MAP3K1: variants seen among roughly 807,000 people sequenced by gnomAD.
The protein encoded by MAP3K1 is mitogen-activated protein kinase kinase kinase 1.
In MAP3K1, 36 loss-of-function variants were observed where a neutral mutation model predicts 144.2. The ratio of observed to expected loss-of-function variants is 0.25; its 90% confidence interval spans 0.19 to 0.33. The LOEUF (loss-of-function observed/expected upper bound fraction) is 0.33, where lower values mean the gene tolerates loss of function less well. Among genes scored for constraint, MAP3K1 ranks in the 10% least tolerant of loss-of-function variants. The pLI is 1.00. For missense variants in MAP3K1, 1,650 were observed against 1,881.9 expected (o/e 0.88, Z 2.28); for synonymous variants, 718 against 688.7 (o/e 1.04, Z -0.67).
chr5:56,835,549 T>G (rs1456409126), intron 1 of MAP3K1, among the ~76,000 whole-genome samples: 1 of 151,798 alleles, frequency 6.6e-6, no homozygotes, highest in African/African-American at 2.4e-5. Flanking sequence ...GGACGTGGGT[T>G]AATGGAGTGA....
chr5:56,822,112 C>T (rs944306190), intron 1 of MAP3K1, among the ~76,000 whole-genome samples: 1 of 152,070 alleles, frequency 6.6e-6, no homozygotes, highest in Non-Finnish European at 1.5e-5. Context: ...CCTCTGCCTC[C>T]TAGGTTCAAG....
chr5:56,827,804 C>T (rs1238850754), intron 1 of MAP3K1, among the ~76,000 whole-genome samples: 1 of 151,636 alleles, frequency 6.6e-6, no homozygotes, highest in Non-Finnish European at 1.5e-5. Flanking sequence ...GCAGAGGTTG[C>T]AGTGAGCTGA....
chr5:56,856,111 T>C (rs1747337048), intron 1 of MAP3K1, among the ~76,000 whole-genome samples: 1 of 152,196 alleles, frequency 6.6e-6, no homozygotes, highest in South Asian at 2.1e-4. Flanking sequence ...AAAATAAAAA[T>C]TTAATCATGT....
At chr5:56,848,113 T>C (rs558294914) in intron 1 of MAP3K1, among the ~76,000 whole-genome samples, 1 of 143,170 alleles carries the variant, frequency 7.0e-6, no homozygotes, top group Admixed American at 7.0e-5. Context: ...AAAAAAAAAA[T>C]TGATACAGAG....
chr5:56,828,880 ATCTTT>A (rs1746397509), intron 1 of MAP3K1, among the ~76,000 whole-genome samples: 1 of 63,378 alleles, frequency 1.6e-5, no homozygotes. Context: ...ACATGTATGC[ATCTTT>A]TTTTTTTAAG....
chr5:56,833,953 G>A (rs563396027), intron 1 of MAP3K1, among the ~76,000 whole-genome samples: 50 of 152,190 alleles, frequency 3.3e-4, no homozygotes, highest in African/African-American at 1.1e-3. Flanking sequence ...CACCTTCTTT[G>A]ATAATTATAA....
rs73136903 is a variant in MAP3K1 at position 56,883,812 on chromosome 5, T to C, written c.3819+133T>C. ...AACTTTGAGAAACTTAGTTTCAAAG[T>C]AGATGTTTCTAAAGCACCAGAAACA... On this transcript the variant is annotated intron_variant, in intron 15 of 19. Transcript: ENST00000399503. 2.5e-5 allele frequency: 24 copies of C among 968,368 alleles called. No homozygotes were observed. In the African/African-American group the frequency reaches 3.9e-4, roughly 16 times the overall value. 60.0% of individuals were successfully genotyped at this position (968,368 alleles called of 1,614,324 possible). A position where few individuals can be genotyped will look rare whatever the true frequency, so the allele number is the denominator to read the frequency against.
At chr5:56,856,550 AT>A in intron 1 of MAP3K1, 49 bp from the exon 2 acceptor site, 2 of 1,496,764 alleles carry the variant, frequency 1.3e-6, no homozygotes, top group Non-Finnish European at 1.9e-6. Flanking sequence ...CTTGGAAATT[AT>A]TTTTCATATA....
chr5:56,834,166 T>C (rs1489067281), intron 1 of MAP3K1, among the ~76,000 whole-genome samples: 1 of 152,198 alleles, frequency 6.6e-6, no homozygotes, highest in Non-Finnish European at 1.5e-5. Flanking sequence ...CATAAGTCTT[T>C]TATGTGAACT....
chr5:56,834,602 G>A (rs923721330), intron 1 of MAP3K1, among the ~76,000 whole-genome samples: 14 of 152,116 alleles, frequency 9.2e-5, no homozygotes, highest in African/African-American at 1.9e-4. Flanking sequence ...CCAGCTACTC[G>A]GGAAGCTGAG....
chr5:56,844,304 C>G (rs112492512), intron 1 of MAP3K1, among the ~76,000 whole-genome samples: 1 of 151,040 alleles, frequency 6.6e-6, no homozygotes, highest in South Asian at 2.1e-4. Context: ...CTCAGCCTCC[C>G]GAGTAGCTGG....
chr5:56,874,448 A>C (rs545455629), intron 9 of MAP3K1, among the ~76,000 whole-genome samples: 53 of 152,136 alleles, frequency 3.5e-4, no homozygotes, highest in African/African-American at 1.3e-3. Context: ...TTTTTTCTTC[A>C]GTTGTTTGAT....
chr5:56,886,233 G>C (rs1748375045), intron 17 of MAP3K1, among the ~76,000 whole-genome samples, 170 bp downstream of exon 17: 1 of 152,096 alleles, frequency 6.6e-6, no homozygotes, highest in African/African-American at 2.4e-5. Context: ...GTGAAACCCT[G>C]TCTCTACTAA....
rs1235530748 is a variant in MAP3K1, at chr5:56,835,383, C to T, written c.482+19328C>T. On this transcript the variant is annotated intron_variant, in intron 1 of 19. Coordinates refer to ENST00000399503, the MANE Select transcript of MAP3K1 (RefSeq NM_005921.2). Reference sequence around the variant, plus strand: ...AGGCAGGGAAGAGGAGACAGGAAGGCAGGGAAGAGGAGACAAGGAGGCAGG... The same window carrying T: ...AGGCAGGGAAGAGGAGACAGGAAGGTAGGGAAGAGGAGACAAGGAGGCAGG... Among the ~76,000 whole-genome samples, 128 of 123,456 alleles carry T rather than the reference C, an allele frequency of 1.0e-3. 7 individuals are homozygous for T. Among genetic ancestry groups the T allele is most frequent in the African/African-American group, 4.6e-3 (123 of 26,590 alleles). The allele number at this position is 123,456 out of a possible 152,430, so 81.0% of individuals were successfully genotyped here.
intron 2 of MAP3K1, 155 bp from the exon 3 acceptor site, chr5:56,859,560 C>A: frequency 1.6e-6 from 1 of 622,236 alleles, no homozygotes; most frequent in Non-Finnish European, 2.8e-6. Flanking sequence ...ACATTAATAG[C>A]TTAAAGTAAT....
At position 56,878,500 on chromosome 5, in the gene MAP3K1, CATTA is replaced by C. The variant is rs540683540; in HGVS notation, c.1966-472_1966-469del. 9.9e-5 allele frequency among the ~76,000 whole-genome samples: 15 copies of C among 152,226 alleles called. No homozygotes were observed. In the South Asian group the frequency reaches 2.3e-3, roughly 23 times the overall value. ...TTTTCTATTTTCCTCATTCCTTCTA[CATTA>C]ATTAATTGGAATTATTCTATAAAGA... is the stretch of plus-strand genomic sequence containing the variant. On this transcript the variant is annotated intron_variant, in intron 10 of 19. Transcript: ENST00000399503.
intron 3 of MAP3K1, among the ~76,000 whole-genome samples, chr5:56,860,441 A>G (rs1747472390): frequency 6.6e-6 from 1 of 152,222 alleles, no homozygotes; most frequent in South Asian, 2.1e-4. Context: ...TGCAAGCTGA[A>G]CTAGTTATTT....
At chr5:56,864,976 A>G (rs1315012777) in intron 4 of MAP3K1, 42 bp downstream of exon 4, 5 of 1,533,966 alleles carry the variant, frequency 3.3e-6, no homozygotes, top group Non-Finnish European at 4.5e-6. Context: ...GTAGTAGTAT[A>G]TGGTACTACC....
At chr5:56,821,016 T>A (rs1159861094) in intron 1 of MAP3K1, among the ~76,000 whole-genome samples, 1 of 152,224 alleles carries the variant, frequency 6.6e-6, no homozygotes, top group African/African-American at 2.4e-5. Context: ...AGCAAGAAAT[T>A]CAACATCTGC....
Sources: allele counts gnomAD v4.1 joint callset (sites outside exome capture counted in the v4.1 genomes callset), GRCh38; gene constraint gnomAD v4.1.1; transcripts MANE v1.5; gene names NCBI Gene and HGNC (gene_info 2026-07-23, HGNC 2026-07-21).